The following KIAA0753 variants were observed in gnomAD, a reference collection of about 807,000 sequenced individuals.
The protein encoded by KIAA0753 is KIAA0753.
Under a neutral mutation model 116.9 loss-of-function variants are expected in KIAA0753, and 114 were observed. That is an observed-to-expected ratio of 0.98 (90% CI 0.84 to 1.14). The LOEUF is 1.14. KIAA0753 is among the 50% of genes most tolerant of loss of function. The pLI, the probability that KIAA0753 is intolerant of heterozygous loss-of-function variation, is 0.00. For missense variants in KIAA0753, 1,156 were observed against 1,172.4 expected, an observed-to-expected ratio of 0.99 and a Z score of 0.20; for synonymous variants, 405 against 413.1, an observed-to-expected ratio of 0.98 and a Z score of 0.24.
Position 6,612,007 on chromosome 17 carries a change from A to G in KIAA0753, c.1457T>C (p.Val486Ala). ...CTTTTTCCCTGCTTTTGTTTTTGCC[A>G]CGGCTAACACCTCGTCTTTGAAGCT... is the stretch of plus-strand genomic sequence containing the variant. ...SASFKDEVLA[V>A]AKTKAGKKKP... The change falls in exon 8 of 19, where the codon GTG becomes GCG. Residue 486 changes from valine to alanine, a missense_variant. Physicochemically the swap from Val to Ala is moderately conservative, Grantham distance 64 (BLOSUM62 0). Coordinates refer to ENST00000361413, the MANE Select transcript of KIAA0753 (RefSeq NM_014804.3). 6.2e-7 allele frequency: 1 copy of G among 1,614,178 alleles called. No individual in the cohort carries two copies. Among genetic ancestry groups the G allele is most frequent in the Non-Finnish European group, 8.5e-7 (1 of 1,180,038 alleles).
chr17:6,633,129 CTG>C (rs1972105977), intron 2 of KIAA0753, among the ~76,000 whole-genome samples: 1 of 152,094 alleles, frequency 6.6e-6, no homozygotes, highest in Non-Finnish European at 1.5e-5. Context: ...TAAAAGGGCA[CTG>C]TGTCTGCAAT....
In KIAA0753 at chr17:6,629,829, G is replaced by T. The variant is rs544799674; in HGVS notation, c.94-1088C>A. Among the ~76,000 whole-genome samples, 18 of 152,268 alleles carry T rather than the reference G, an allele frequency of 1.2e-4. No homozygotes were observed. The East Asian group carries it at 3.5e-3, about 29-fold the overall frequency. ...ATTTCGGATTTTTAAAAAGTAGTTA[G>T]AAAGCTCACTAAAGAAAAAACAAAT... On this transcript the variant is annotated intron_variant, in intron 2 of 18. Transcript: ENST00000361413.
At chr17:6,636,654 T>A (rs11651169) in intron 1 of KIAA0753, 1 of 151,864 alleles carries the variant, frequency 6.6e-6, no homozygotes, top group Non-Finnish European at 1.5e-5. Context: ...CTGGGGCATC[T>A]CCACGAAAAC....
intron 9 of KIAA0753, 31 bp from the exon 10 acceptor site, chr17:6,608,495 A>G (rs763876396): frequency 7.8e-7 from 1 of 1,276,174 alleles, no homozygotes; most frequent in Non-Finnish European, 1.1e-6. Context: ...TACCTTTGTC[A>G]TCATTCACTC....
In KIAA0753 at chr17:6,620,795, A is replaced by C. The variant is rs2150878330; in HGVS notation, c.1308T>G (p.Leu436=). The part of the protein sequence containing the change: ...ETSRPSVAKQ[L]LADKYQPDTE... The stretch of plus-strand genomic sequence containing the variant: ...ACACTTTAAGACACATACCGGCAAG[A>C]AGCTGCTTTGCTACAGAAGGTCGAC... Residue 436 remains leucine (L), a synonymous_variant, in exon 7 of 19, where the codon CTT becomes CTG. Transcript: ENST00000361413. The C allele has an allele frequency of 1.2e-6, 2 of 1,614,076 alleles. No homozygotes were observed. Among genetic ancestry groups the C allele is most frequent in the South Asian group, 2.2e-5 (2 of 91,086 alleles).
intron 12 of KIAA0753, among the ~76,000 whole-genome samples, chr17:6,606,262 T>A (rs190169450): frequency 5.3e-5 from 8 of 152,326 alleles, no homozygotes; most frequent in African/African-American, 1.7e-4. Flanking sequence ...GAACACTCCA[T>A]CATGAATGGT....
chr17:6,601,140 G>C (rs1969843495), intron 12 of KIAA0753: 1 of 152,358 alleles, frequency 6.6e-6, no homozygotes, highest in Non-Finnish European at 1.5e-5. Context: ...GGTAGTACCA[G>C]GTACATCTAG....
intron 12 of KIAA0753, among the ~76,000 whole-genome samples, chr17:6,606,618 A>C (rs1970209842): frequency 6.6e-6 from 1 of 152,206 alleles, no homozygotes; most frequent in South Asian, 2.1e-4. Context: ...AGTCCAAACA[A>C]ATACACATAA....
At chr17:6,604,821 A>G (rs902671077) in intron 12 of KIAA0753, among the ~76,000 whole-genome samples, 17 of 152,178 alleles carry the variant, frequency 1.1e-4, no homozygotes, top group African/African-American at 4.1e-4. Flanking sequence ...TTACCTCACA[A>G]TAAGAAGTTT....
chr17:6,584,588 G>A (rs1018619263), intron 18 of KIAA0753, among the ~76,000 whole-genome samples: 2 of 151,890 alleles, frequency 1.3e-5, no homozygotes, highest in Non-Finnish European at 2.9e-5. Flanking sequence ...TCCCCGTTCT[G>A]CATTTCCCCT....
At chr17:6,612,937 A>G (rs1390454169) in intron 7 of KIAA0753, among the ~76,000 whole-genome samples, 1 of 152,158 alleles carries the variant, frequency 6.6e-6, no homozygotes, top group Non-Finnish European at 1.5e-5. Context: ...AAACCCTTCA[A>G]TGGGTCCTAA....
In KIAA0753 at chr17:6,620,787, C is replaced by A. The variant is rs771455309; in HGVS notation, c.1315+1G>T. ...TACAATAAACACTTTAAGACACATACCGGCAAGAAGCTGCTTTGCTACAGA... is the reference window on the plus strand; with the variant it reads ...TACAATAAACACTTTAAGACACATAACGGCAAGAAGCTGCTTTGCTACAGA... On this transcript the variant is annotated splice_donor_variant, in intron 7 of 18. Coordinates refer to ENST00000361413, the MANE Select transcript of KIAA0753 (RefSeq NM_014804.3). LOFTEE classifies it high-confidence loss of function. 21 of 1,613,590 alleles carry A rather than the reference C, an allele frequency of 1.3e-5. No homozygotes were observed. Among genetic ancestry groups the A allele is most frequent in the Non-Finnish European group, 1.5e-5 (18 of 1,179,626 alleles).
intron 12 of KIAA0753, among the ~76,000 whole-genome samples, 165 bp from the exon 13 acceptor site, chr17:6,600,623 A>G (rs563982870): frequency 6.6e-6 from 1 of 152,316 alleles, no homozygotes; most frequent in East Asian, 1.9e-4. Context: ...GTAGATTCCA[A>G]TTCAGTTGGT....
intron 7 of KIAA0753, among the ~76,000 whole-genome samples, chr17:6,620,242 T>C (rs951905645): frequency 6.6e-6 from 1 of 152,160 alleles, no homozygotes; most frequent in Non-Finnish European, 1.5e-5. Flanking sequence ...AATTTTATTA[T>C]ATAACATACT....
chr17:6,590,111 T>A (rs1968887374), intron 17 of KIAA0753, 108 bp from the exon 18 acceptor site: 1 of 917,750 alleles, frequency 1.1e-6, no homozygotes, highest in South Asian at 1.8e-5. Flanking sequence ...TTGATTTCTC[T>A]TTCTCACAAT....
At chr17:6,614,444 T>C (rs895370923) in intron 7 of KIAA0753, among the ~76,000 whole-genome samples, 1 of 150,822 alleles carries the variant, frequency 6.6e-6, no homozygotes, top group Admixed American at 6.6e-5. Context: ...AGCAGTAAAA[T>C]TAATAAATGA....
intron 8 of KIAA0753, among the ~76,000 whole-genome samples, chr17:6,610,470 T>A (rs565189304): frequency 4.0e-5 from 6 of 151,472 alleles, no homozygotes; most frequent in Admixed American, 6.6e-5. Context: ...ACAAAAAAAA[T>A]TTCATACCAT....
In KIAA0753 at chr17:6,620,968, A is replaced by C. The variant is rs1165999928; in HGVS notation, c.1135T>G (p.Ser379Ala). The C allele has an allele frequency of 1.9e-6, 3 of 1,613,626 alleles. No homozygotes were observed. Among genetic ancestry groups the C allele is most frequent in the African/African-American group, 1.3e-5 (1 of 74,896 alleles). ...ALESLLEKKL[S>A]PKKVKKCFSE... ...AAACATTTTTTCACCTTTTTTGGTG[A>C]CAGTTTCTTTTCCAGGAGAGATTCC... is the stretch of plus-strand genomic sequence containing the variant. The change falls in exon 7 of 19, where the codon TCA (serine) becomes GCA (alanine). Residue 379 changes from serine to alanine, a missense_variant. Coordinates refer to ENST00000361413, the MANE Select transcript of KIAA0753 (RefSeq NM_014804.3).
intron 18 of KIAA0753, among the ~76,000 whole-genome samples, chr17:6,585,915 G>A (rs1229189347): frequency 6.6e-6 from 1 of 152,028 alleles, no homozygotes; most frequent in East Asian, 1.9e-4. Flanking sequence ...TGTCAACCAA[G>A]CCTCCTATTT....
Sources: allele counts gnomAD v4.1 joint callset (sites outside exome capture counted in the v4.1 genomes callset), GRCh38; gene constraint gnomAD v4.1.1; transcripts MANE v1.5; gene names NCBI Gene and HGNC (gene_info 2026-07-23, HGNC 2026-07-21).